The following PCDH15 variants were observed in gnomAD, a reference collection of about 807,000 sequenced individuals.
PCDH15 encodes the protein protocadherin-15.
In PCDH15, 129 loss-of-function variants were observed where a neutral mutation model predicts 178.5. The ratio of observed to expected loss-of-function variants is 0.72; its 90% confidence interval spans 0.63 to 0.84. The LOEUF is 0.84. Among genes scored for constraint, PCDH15 ranks in the 40% least tolerant of loss-of-function variants. PCDH15 has a pLI of 0.00. For missense variants in PCDH15, 2,230 were observed against 2,099.9 expected, an observed-to-expected ratio of 1.06 and a Z score of -1.21; for synonymous variants, 800 against 732.0, an observed-to-expected ratio of 1.09 and a Z score of -1.50.
intron 9 of PCDH15, among the ~76,000 whole-genome samples, chr10:54,222,322 A>T (rs2052926794): frequency 6.6e-6 from 1 of 152,212 alleles, no homozygotes; most frequent in Admixed American, 6.5e-5. Flanking sequence ...ATGATCAAAT[A>T]ACTACTTTGT....
chr10:54,970,219 G>C (rs544992158), intron 2 of PCDH15, among the ~76,000 whole-genome samples: 1 of 152,226 alleles, frequency 6.6e-6, no homozygotes, highest in East Asian at 1.9e-4. Flanking sequence ...CTCCAGAATT[G>C]TGAAAAATAA....
chr10:55,624,243 C>T (rs1339790770), intron 2 of PCDH15, among the ~76,000 whole-genome samples: 1 of 151,602 alleles, frequency 6.6e-6, no homozygotes, highest in East Asian at 1.9e-4. Flanking sequence ...TAATTTTTTC[C>T]CCAGGGTTCC....
chr10:54,263,151 C>T (rs570650583), intron 8 of PCDH15, among the ~76,000 whole-genome samples: 2 of 152,268 alleles, frequency 1.3e-5, no homozygotes, highest in East Asian at 3.9e-4. Context: ...ACAGCAACTG[C>T]GGACATACCC....
At chr10:54,170,865 G>A (rs914480762) in intron 13 of PCDH15, among the ~76,000 whole-genome samples, 2 of 151,978 alleles carry the variant, frequency 1.3e-5, no homozygotes, top group African/African-American at 4.8e-5. Context: ...TATCCTCAAG[G>A]AAATAACTTC....
intron 1 of PCDH15, among the ~76,000 whole-genome samples, chr10:55,170,501 C>T (rs563400756): frequency 1.6e-4 from 24 of 152,062 alleles, no homozygotes; most frequent in African/African-American, 5.3e-4. Flanking sequence ...CCCCCTTTTC[C>T]GAATGAAGGA....
intron 35 of PCDH15, among the ~76,000 whole-genome samples, chr10:53,814,825 ATGGT>A: frequency 6.6e-6 from 1 of 152,002 alleles, no homozygotes; most frequent in South Asian, 2.1e-4. Context: ...TTAGCTGGGC[ATGGT>A]GGCACACGCC....
intron 8 of PCDH15, among the ~76,000 whole-genome samples, chr10:54,287,864 T>C (rs913725725): frequency 6.6e-6 from 1 of 152,190 alleles, no homozygotes; most frequent in African/African-American, 2.4e-5. Flanking sequence ...TGGGGTGGCA[T>C]ACATACCATC....
rs1465056131 is a variant in PCDH15 at position 55,520,140 on chromosome 10, A to G, written c.-156+107485T>C. Among the ~76,000 whole-genome samples, 3 of 118,256 alleles carry G rather than the reference A, an allele frequency of 2.5e-5. No homozygotes were observed. The South Asian group carries it at 8.4e-4, about 33-fold the overall frequency. 77.6% of individuals were successfully genotyped at this position (118,256 alleles called of 152,430 possible). A position where few individuals can be genotyped will look rare whatever the true frequency, so the allele number is the denominator to read the frequency against. ...GTATATATATATACACGCAATGTGT[A>G]TATATATATACACGCAATGTGTATA... is the stretch of plus-strand genomic sequence containing the variant. On this transcript the variant is annotated intron_variant, in intron 2 of 5. Transcript: ENST00000613346.
chr10:54,985,388 G>A (rs560452631), intron 2 of PCDH15, among the ~76,000 whole-genome samples: 1 of 152,104 alleles, frequency 6.6e-6, no homozygotes, highest in African/African-American at 2.4e-5. Context: ...TTAATATGTA[G>A]TATAGATGCT....
At chr10:54,807,921 T>A (rs1952804431) in intron 3 of PCDH15, among the ~76,000 whole-genome samples, 1 of 151,542 alleles carries the variant, frequency 6.6e-6, no homozygotes, top group African/African-American at 2.4e-5. Context: ...GGAAAAATTA[T>A]CAGCCTAATA....
intron 1 of PCDH15, among the ~76,000 whole-genome samples, chr10:54,698,693 C>G (rs1421501684): frequency 3.9e-5 from 6 of 152,106 alleles, no homozygotes; most frequent in Admixed American, 3.9e-4. Flanking sequence ...ATAATAACAG[C>G]TACCCTGATT....
intron 2 of PCDH15, among the ~76,000 whole-genome samples, chr10:55,559,084 G>A (rs9971316): frequency 0.74 from 112,699 of 151,876 alleles, 42,683 homozygotes; most frequent in East Asian, 0.99. Flanking sequence ...GCTTGCAGGT[G>A]TTATAACAGT....
chr10:54,473,575 T>A (rs1285057124), intron 3 of PCDH15, among the ~76,000 whole-genome samples: 1 of 152,072 alleles, frequency 6.6e-6, no homozygotes, highest in Non-Finnish European at 1.5e-5. Flanking sequence ...ACTAATGTGG[T>A]TGGTAAAATA....
chr10:54,890,219 C>T lies in PCDH15; in HGVS notation c.-29+7231G>A, dbSNP rs569401884. ...ATAATGTTCCCCATCATCACATGAG[C>T]GTGGATAAAGATGTAGCTGTAATGG... On this transcript the variant is annotated intron_variant, in intron 3 of 5. Transcript: ENST00000458638. Among the ~76,000 whole-genome samples the T allele has an allele frequency of 1.9e-4, 29 of 151,832 alleles. No individual in the cohort carries two copies. The South Asian group carries it at 4.8e-3, about 25-fold the overall frequency.
chr10:54,001,548 C>T (rs1465764571), intron 20 of PCDH15, among the ~76,000 whole-genome samples: 1 of 151,520 alleles, frequency 6.6e-6, no homozygotes, highest in Non-Finnish European at 1.5e-5. Flanking sequence ...TGATGATAAC[C>T]TCAAACCAAA....
chr10:54,311,422 C>CA (rs2060900398), intron 8 of PCDH15, among the ~76,000 whole-genome samples: 1 of 151,978 alleles, frequency 6.6e-6, no homozygotes, highest in East Asian at 1.9e-4. Flanking sequence ...ATCTGTGCTT[C>CA]ATTAGAAAAT....
At chr10:55,538,769 C>T (rs1345748911) in intron 2 of PCDH15, among the ~76,000 whole-genome samples, 1 of 122,940 alleles carries the variant, frequency 8.1e-6, no homozygotes, top group Admixed American at 8.2e-5. Context: ...CCTTCCTTTC[C>T]TTCCTTCCTT....
intron 4 of PCDH15, among the ~76,000 whole-genome samples, chr10:54,373,552 T>C (rs191768243): frequency 1.3e-5 from 2 of 151,972 alleles, no homozygotes; most frequent in African/African-American, 2.4e-5. Context: ...ATTATGCATA[T>C]GTGACATGTA....
intron 2 of PCDH15, among the ~76,000 whole-genome samples, chr10:55,581,488 T>C (rs1842613140): frequency 1.5e-5 from 1 of 64,524 alleles, no homozygotes; most frequent in Non-Finnish European, 2.6e-5. Flanking sequence ...CTATTTGCTC[T>C]GTTTTTTTTA....
Sources: gnomAD v4.1 joint callset for allele counts (sites outside exome capture counted in the v4.1 genomes callset) on GRCh38, gnomAD v4.1.1 for gene constraint, MANE v1.5 for transcripts, NCBI Gene and HGNC (gene_info 2026-07-23, HGNC 2026-07-21) for gene names.